RBFOX1: variants seen among roughly 807,000 people sequenced by gnomAD.
The protein encoded by RBFOX1 is RNA binding protein fox-1 homolog 1.
In RBFOX1, 8 loss-of-function variants were observed where a neutral mutation model predicts 57.7. The ratio of observed to expected loss-of-function variants is 0.14; its 90% confidence interval spans 0.08 to 0.25. The LOEUF is 0.25. Among genes scored for constraint, RBFOX1 ranks in the 10% least tolerant of loss-of-function variants. The pLI is 1.00. For missense variants in RBFOX1, 611 were observed against 548.5 expected (o/e 1.11, Z -1.14); for synonymous variants, 326 against 222.4 (o/e 1.47, Z -4.15).
intron 4 of RBFOX1, among the ~76,000 whole-genome samples, chr16:7,354,330 T>A (rs1045383942): frequency 8.5e-5 from 13 of 152,220 alleles, no homozygotes; most frequent in African/African-American, 3.1e-4. Flanking sequence ...TCAAAAAATA[T>A]GTTGAAAACA....
chr16:6,708,444 G>T (rs1294614597), intron 3 of RBFOX1, among the ~76,000 whole-genome samples: 1 of 152,106 alleles, frequency 6.6e-6, no homozygotes, highest in East Asian at 1.9e-4. Flanking sequence ...TCATTTTTGT[G>T]AAAAGTGTTC....
intron 10 of RBFOX1, among the ~76,000 whole-genome samples, chr16:7,616,505 A>G (rs1033693137): frequency 6.6e-6 from 1 of 152,234 alleles, no homozygotes; most frequent in African/African-American, 2.4e-5. Flanking sequence ...AATAGTTACC[A>G]TAAACAATTG....
intron 4 of RBFOX1, among the ~76,000 whole-genome samples, chr16:5,978,422 C>T (rs928581627): frequency 2.0e-5 from 3 of 151,952 alleles, no homozygotes; most frequent in Non-Finnish European, 4.4e-5. Flanking sequence ...TCCTGTATAC[C>T]CTACATATGG....
chr16:5,316,498 T>C (rs1303039270), intron 1 of RBFOX1, among the ~76,000 whole-genome samples: 1 of 152,082 alleles, frequency 6.6e-6, no homozygotes, highest in Non-Finnish European at 1.5e-5. Flanking sequence ...GAACACCCCC[T>C]CCACAACGAT....
chr16:6,113,242 A>C (rs898332788), intron 1 of RBFOX1, among the ~76,000 whole-genome samples: 2 of 152,198 alleles, frequency 1.3e-5, no homozygotes, highest in African/African-American at 4.8e-5. Flanking sequence ...GATGGACAAG[A>C]GGGTGAGGCC....
chr16:5,360,436 C>T (rs1020985117), intron 1 of RBFOX1, among the ~76,000 whole-genome samples: 19 of 152,246 alleles, frequency 1.2e-4, no homozygotes, highest in African/African-American at 4.6e-4. Flanking sequence ...GGCTGGCTGG[C>T]TTGCCGGGAG....
intron 1 of RBFOX1, among the ~76,000 whole-genome samples, chr16:6,028,265 G>C (rs935997966): frequency 1.7e-4 from 26 of 152,178 alleles, no homozygotes; most frequent in African/African-American, 6.3e-4. Flanking sequence ...AGGAGGGAGG[G>C]AGTGTGTGCA....
At chr16:6,250,657 T>C (rs2097602260) in intron 1 of RBFOX1, among the ~76,000 whole-genome samples, 1 of 152,170 alleles carries the variant, frequency 6.6e-6, no homozygotes. Flanking sequence ...AGATTGGTTC[T>C]CTGCACCAGT....
intron 4 of RBFOX1, among the ~76,000 whole-genome samples, chr16:7,277,401 T>A (rs1447312155): frequency 6.6e-6 from 1 of 152,132 alleles, no homozygotes; most frequent in South Asian, 2.1e-4. Flanking sequence ...CTCCCACCCA[T>A]CTCCAGCTGG....
At chr16:7,169,955 C>T (rs1026443829) in intron 4 of RBFOX1, among the ~76,000 whole-genome samples, 1 of 152,004 alleles carries the variant, frequency 6.6e-6, no homozygotes, top group Non-Finnish European at 1.5e-5. Flanking sequence ...CGCCTGTGGT[C>T]CCAGCTACTT....
intron 1 of RBFOX1, among the ~76,000 whole-genome samples, chr16:6,061,768 T>C (rs2095689180): frequency 6.6e-6 from 1 of 152,188 alleles, no homozygotes; most frequent in African/African-American, 2.4e-5. Context: ...AATACTTCTG[T>C]GACCAGATGT....
In RBFOX1 at chr16:7,074,474, T is replaced by C. The variant is rs539186713; in HGVS notation, c.27+22376T>C. On this transcript the variant is annotated intron_variant, in intron 4 of 15. Coordinates refer to ENST00000550418, the MANE Select transcript of RBFOX1 (RefSeq NM_018723.4). ...GAAATGTAAACATCAGATTGTAAAA[T>C]GCTGAATACAGAAATCTGTTAACTT... Among the ~76,000 whole-genome samples, 4 of 152,156 alleles carry C rather than the reference T, an allele frequency of 2.6e-5. No individual in the cohort carries two copies. In the South Asian group the frequency reaches 8.3e-4, roughly 32 times the overall value.
chr16:7,202,548 G>C (rs2088851339), intron 4 of RBFOX1, among the ~76,000 whole-genome samples: 1 of 152,190 alleles, frequency 6.6e-6, no homozygotes, highest in Non-Finnish European at 1.5e-5. Context: ...ACCGGTGTAT[G>C]GCCTGTTAGG....
chr16:7,559,734 G>A (rs2089848875), intron 5 of RBFOX1, among the ~76,000 whole-genome samples: 1 of 152,160 alleles, frequency 6.6e-6, no homozygotes, highest in Admixed American at 6.5e-5. Context: ...AACTTTGCGG[G>A]CCTTTCGCTT....
chr16:6,742,052 C>T (rs1266302259), intron 3 of RBFOX1, among the ~76,000 whole-genome samples: 1 of 152,028 alleles, frequency 6.6e-6, no homozygotes, highest in Admixed American at 6.6e-5. Flanking sequence ...TTGAGTTAGC[C>T]ATTCTACAGT....
chr16:6,364,558 CAT>C (rs1340525704), intron 2 of RBFOX1, among the ~76,000 whole-genome samples: 1 of 152,198 alleles, frequency 6.6e-6, no homozygotes, highest in Non-Finnish European at 1.5e-5. Flanking sequence ...CATGTGAACA[CAT>C]GTGCGTGTGT....
chr16:7,524,707 G>C (rs2078289388), intron 5 of RBFOX1, among the ~76,000 whole-genome samples: 1 of 152,206 alleles, frequency 6.6e-6, no homozygotes, highest in Non-Finnish European at 1.5e-5. Flanking sequence ...TAGAGAGCCA[G>C]GTTCTTCTTT....
At chr16:7,094,453 A>G (rs2061360052) in intron 4 of RBFOX1, among the ~76,000 whole-genome samples, 1 of 152,072 alleles carries the variant, frequency 6.6e-6, no homozygotes, top group Non-Finnish European at 1.5e-5. Flanking sequence ...TGATTTGGAG[A>G]CATGCAATGC....
chr16:6,311,342 G>A (rs952630805), intron 1 of RBFOX1, among the ~76,000 whole-genome samples: 5 of 151,482 alleles, frequency 3.3e-5, no homozygotes, highest in African/African-American at 1.2e-4. Flanking sequence ...TGGCTTTTGG[G>A]TTTTGTTCTT....
Sources: allele counts gnomAD v4.1 joint callset (sites outside exome capture counted in the v4.1 genomes callset), GRCh38; gene constraint gnomAD v4.1.1; transcripts MANE v1.5; gene names NCBI Gene and HGNC (gene_info 2026-07-23, HGNC 2026-07-21).